Variants in PRKAR1B observed in about 807,000 individuals in gnomAD.
PRKAR1B encodes protein kinase cAMP-dependent type I regulatory subunit beta, also known as cAMP-dependent protein kinase type I-beta regulatory subunit.
PRKAR1B carries 22 observed loss-of-function variants against 46.5 expected under a neutral mutation model. That is an observed-to-expected ratio of 0.47 (90% confidence interval 0.34 to 0.68). The LOEUF is 0.68. Ranked by LOEUF, PRKAR1B falls within the 30% of genes least tolerant of loss-of-function variation. The pLI, the probability that PRKAR1B is intolerant of heterozygous loss-of-function variation, is 0.01. For synonymous variants in PRKAR1B, 259 were observed against 217.7 expected (o/e 1.19, Z -1.67); for missense variants, 445 against 535.6 (o/e 0.83, Z 1.67).
chr7:728,873 C>T (rs531445890), upstream of PRKAR1B, among the ~76,000 whole-genome samples: 11 of 152,266 alleles, frequency 7.2e-5, no homozygotes, highest in East Asian at 7.7e-4. Flanking sequence ...CACTGGGCAA[C>T]GGCAGAGAGG....
chr7:679,978 G>A (rs990844869), intron 3 of PRKAR1B, among the ~76,000 whole-genome samples: 6 of 152,020 alleles, frequency 3.9e-5, no homozygotes, highest in Non-Finnish European at 7.4e-5. Context: ...CTAACACAGT[G>A]AAACCCCGTC....
Position 598,032 on chromosome 7 carries a change from G to A in PRKAR1B, c.550-1728C>T, listed in dbSNP as rs138230544. On this transcript the variant is annotated intron_variant, in intron 6 of 10. Coordinates refer to ENST00000537384, the MANE Select transcript of PRKAR1B (RefSeq NM_001164760.2). ...GTGTCTATCCACGCTGCAGGTGACG[G>A]ACTCCAGGGTCCACAGCACGTCGTG... Among the ~76,000 whole-genome samples the A allele has an allele frequency of 8.2e-3, 1,250 of 152,288 alleles. 15 individuals are homozygous for A. Among genetic ancestry groups the A allele is most frequent in the African/African-American group, 0.027 (1,106 of 41,558 alleles).
At chr7:646,766 A>G (rs773544203) in intron 4 of PRKAR1B, among the ~76,000 whole-genome samples, 5 of 152,224 alleles carry the variant, frequency 3.3e-5, no homozygotes, top group Non-Finnish European at 5.9e-5. Context: ...ACAGGTAATT[A>G]AGACTAAGCC....
rs1456029409 is a variant in PRKAR1B at position 644,904 on chromosome 7, C to G, written c.440+32325G>C. 6.6e-6 allele frequency among the ~76,000 whole-genome samples: 1 copy of G among 152,180 alleles called. No individual in the cohort carries two copies. Among genetic ancestry groups the G allele is most frequent in the Non-Finnish European group, 1.5e-5 (1 of 68,022 alleles). ...CCTGCTCAGAGGCCGCCCAGGCCAC[C>G]CCGTCTCACGATGGGGAGATGTGAG... On this transcript the variant is annotated intron_variant, in intron 4 of 10. Transcript: ENST00000537384. This position sits in a 1 kb window ranked among gnomAD's most constrained non-coding sequence, Gnocchi z 4.9.
intron 4 of PRKAR1B, among the ~76,000 whole-genome samples, chr7:660,323 C>G (rs537273669): frequency 6.6e-6 from 1 of 152,166 alleles, no homozygotes; most frequent in African/African-American, 2.4e-5. Flanking sequence ...CTCGACACCT[C>G]CCCGGGTGCC....
At chr7:580,456 C>A (rs139138737) in intron 8 of PRKAR1B, among the ~76,000 whole-genome samples, 3 of 151,928 alleles carry the variant, frequency 2.0e-5, no homozygotes, top group Admixed American at 2.0e-4. Flanking sequence ...AACTGCCCAT[C>A]GAAAAGAAAC....
At chr7:637,692 G>A (rs187300011) in intron 4 of PRKAR1B, among the ~76,000 whole-genome samples, 254 of 152,012 alleles carry the variant, frequency 1.7e-3, no homozygotes, top group African/African-American at 5.5e-3. Context: ...AAAATTAGCC[G>A]GGTGTGGTGG....
chr7:715,730 T>G (rs1780848875), intron 1 of PRKAR1B, among the ~76,000 whole-genome samples: 1 of 152,146 alleles, frequency 6.6e-6, no homozygotes, highest in South Asian at 2.1e-4. Flanking sequence ...TATTTTTTTT[T>G]TTTGAGACAG....
At chr7:661,432 C>T (rs1429291963) in intron 4 of PRKAR1B, among the ~76,000 whole-genome samples, 23 of 83,636 alleles carry the variant, frequency 2.8e-4, no homozygotes, top group Non-Finnish European at 3.9e-4. Context: ...CCCACCCCAA[C>T]GGGTCCAAAT....
At position 693,055 on chromosome 7, in the gene PRKAR1B, C is replaced by A. The variant is rs1779525508; in HGVS notation, c.178-12329G>T. ...TTTCACACCTTTCTCCTGCCTCAGCCTCCCGAGTAGCTGGGACCACAGGCG... is the reference window on the plus strand; with the variant it reads ...TTTCACACCTTTCTCCTGCCTCAGCATCCCGAGTAGCTGGGACCACAGGCG... On this transcript the variant is annotated intron_variant, in intron 2 of 10. Transcript: ENST00000537384. Among the ~76,000 whole-genome samples, 3 of 151,984 alleles carry A rather than the reference C, an allele frequency of 2.0e-5. No homozygotes were observed. The South Asian group carries it at 6.2e-4, about 32-fold the overall frequency.
Position 652,129 on chromosome 7 carries a change from G to C in PRKAR1B, c.440+25100C>G, listed in dbSNP as rs369455668. ...GAACCTGGGGAAACCCCTCTCGGAA[G>C]ACAGTTCACACCCACACAGTGCTAG... On this transcript the variant is annotated intron_variant, in intron 4 of 10. Transcript: ENST00000537384. 1.2e-3 allele frequency among the ~76,000 whole-genome samples: 143 copies of C among 120,074 alleles called. 3 individuals carry two copies. The highest frequency in any genetic ancestry group is 1.0e-3 in the East Asian group (4 of 3,924). The allele number at this position is 120,074 out of a possible 152,430, so 78.8% of individuals were successfully genotyped here.
rs1193849049 is a variant in PRKAR1B at position 714,316 on chromosome 7, C to T, written c.-22-2789G>A. Among the ~76,000 whole-genome samples, 1 of 152,218 alleles carries T rather than the reference C, an allele frequency of 6.6e-6. No individual in the cohort carries two copies. The highest frequency in any genetic ancestry group is 1.5e-5 in the Non-Finnish European group (1 of 68,038). On this transcript the variant is annotated intron_variant, in intron 1 of 10. Coordinates refer to ENST00000537384, the MANE Select transcript of PRKAR1B (RefSeq NM_001164760.2). The surrounding 1 kb of genome is among the most constrained non-coding windows in gnomAD (Gnocchi z 4.3). ...GGAGGCACCTCTCTGGCTGACCTCA[C>T]AGGACAGCCCTCTGATCCCGAGGCG...
intron 2 of PRKAR1B, among the ~76,000 whole-genome samples, chr7:699,385 C>G (rs1261651897): frequency 1.3e-5 from 2 of 152,182 alleles, no homozygotes; most frequent in African/African-American, 4.8e-5. Context: ...CAGGAAGGCA[C>G]TGACGGTTAG....
intron 2 of PRKAR1B, among the ~76,000 whole-genome samples, chr7:701,990 A>G (rs894960193): frequency 3.3e-5 from 5 of 152,220 alleles, no homozygotes; most frequent in Admixed American, 2.6e-4. Flanking sequence ...GCCCCTCTTA[A>G]ATTACTGAAA....
chr7:670,936 G>T (rs1257756221), intron 4 of PRKAR1B, among the ~76,000 whole-genome samples: 1 of 152,276 alleles, frequency 6.6e-6, no homozygotes, highest in African/African-American at 2.4e-5. Flanking sequence ...TACCGGAGAT[G>T]ATCGTGGCTG....
intron 2 of PRKAR1B, among the ~76,000 whole-genome samples, chr7:704,230 AC>A (rs1341373804): frequency 6.6e-6 from 1 of 152,186 alleles, no homozygotes; most frequent in Non-Finnish European, 1.5e-5. Flanking sequence ...TAAAATCTAA[AC>A]AAAAATAGAC....
At chr7:676,890 G>A (rs1778347617) in intron 4 of PRKAR1B, among the ~76,000 whole-genome samples, 2 of 151,842 alleles carry the variant, frequency 1.3e-5, no homozygotes, top group Admixed American at 6.6e-5. Flanking sequence ...ACCTCCCGGA[G>A]GGCAAGGAGG....
intron 6 of PRKAR1B, among the ~76,000 whole-genome samples, chr7:599,627 G>C (rs989031707): frequency 6.6e-6 from 1 of 152,220 alleles, no homozygotes; most frequent in Non-Finnish European, 1.5e-5. Context: ...GGTCCCCCGC[G>C]GGGCAGCATT....
At chr7:711,583 G>A (rs4074132) in intron 1 of PRKAR1B, 56 bp from the exon 2 acceptor site, 695,000 of 1,494,226 alleles carry the variant, frequency 0.47, 163,341 homozygotes, top group African/African-American at 0.51. Flanking sequence ...GCTGCGCGCC[G>A]GATAAACGCA....
Sources: allele counts gnomAD v4.1 joint callset (sites outside exome capture counted in the v4.1 genomes callset), GRCh38; gene constraint gnomAD v4.1.1; non-coding constraint Gnocchi (gnomAD v3.1); transcripts MANE v1.5; gene names NCBI Gene and HGNC (gene_info 2026-07-23, HGNC 2026-07-21).